The following EIF2AK4 variants were observed in gnomAD, a reference collection of about 807,000 sequenced individuals.
EIF2AK4 encodes the protein eukaryotic translation initiation factor 2 alpha kinase 4.
EIF2AK4 carries 139 observed loss-of-function variants against 211.1 expected under a neutral mutation model. That is an observed-to-expected ratio of 0.66 (90% CI 0.57 to 0.76). The LOEUF is 0.76. Among genes scored for constraint, EIF2AK4 ranks in the 30% least tolerant of loss-of-function variants. The probability of loss-of-function intolerance (pLI) is 0.00; values close to 1 mark genes in which losing one functional copy is unlikely to be tolerated. For synonymous variants in EIF2AK4, 710 were observed against 751.3 expected, an observed-to-expected ratio of 0.94 and a Z score of 0.90; for missense variants, 1,664 against 2,043.8, an observed-to-expected ratio of 0.81 and a Z score of 3.58.
chr15:39,961,791 C>T lies in EIF2AK4; in HGVS notation c.751C>T (p.Arg251Cys), dbSNP rs200534017. 16 of 1,610,082 alleles carry T rather than the reference C, an allele frequency of 9.9e-6. No individual in the cohort carries two copies. The highest frequency in any genetic ancestry group is 4.0e-5 in the African/African-American group (3 of 74,820). The change falls in exon 7 of 39, where the codon CGT (arginine) becomes TGT (cysteine). Residue 251 changes from arginine (R) to cysteine (C), a missense_variant. Arg to Cys is a radical substitution (Grantham distance 180, BLOSUM62 -3). Transcript: ENST00000263791. The stretch of plus-strand genomic sequence containing the variant: ...TTCAAATTTATTTTTAAGGCGAGAA[C>T]GTCAGTATTCTGTATGTAATAGTGA... ...ANSSGRSRRE[R>C]QYSVCNSEDS...
At chr15:40,029,329 AT>A (rs2035507377) in intron 33 of EIF2AK4, 76 bp from the exon 34 acceptor site, 2 of 1,576,376 alleles carry the variant, frequency 1.3e-6, no homozygotes, top group Admixed American at 3.6e-5. Flanking sequence ...CTCACTATAC[AT>A]GTAGTTCACT....
At chr15:39,968,952 G>A (rs979450600) in intron 9 of EIF2AK4, among the ~76,000 whole-genome samples, 27 of 151,582 alleles carry the variant, frequency 1.8e-4, no homozygotes, top group East Asian at 7.8e-4. Flanking sequence ...TTGGTTTCTC[G>A]CCTTGAAGTA....
At chr15:39,998,269 TG>T (rs1387062486) in intron 19 of EIF2AK4, among the ~76,000 whole-genome samples, 26 of 118,466 alleles carry the variant, frequency 2.2e-4, no homozygotes, top group South Asian at 2.8e-4. Flanking sequence ...TTTTTTTTTT[TG>T]TTTTGTTTTT....
intron 9 of EIF2AK4, among the ~76,000 whole-genome samples, chr15:39,970,426 T>C (rs966460228): frequency 3.3e-5 from 5 of 152,314 alleles, no homozygotes; most frequent in African/African-American, 1.2e-4. Context: ...TATATAGGGA[T>C]GCTCATTGCA....
At chr15:39,956,887 A>G (rs1166095343) in intron 6 of EIF2AK4, among the ~76,000 whole-genome samples, 1 of 152,242 alleles carries the variant, frequency 6.6e-6, no homozygotes, top group African/African-American at 2.4e-5. Flanking sequence ...GTTTATTAGA[A>G]GGAGCCATTT....
intron 2 of EIF2AK4, among the ~76,000 whole-genome samples, chr15:39,939,818 A>T (rs1196911004): frequency 2.0e-5 from 3 of 152,308 alleles, no homozygotes; most frequent in East Asian, 3.9e-4. Context: ...TAGTTATAGA[A>T]TTGTCACTAC....
intron 6 of EIF2AK4, among the ~76,000 whole-genome samples, chr15:39,958,621 C>G (rs1413635856): frequency 1.3e-5 from 2 of 152,100 alleles, no homozygotes; most frequent in South Asian, 2.1e-4. Flanking sequence ...ACTGGTTTAC[C>G]TCAAATTAAA....
intron 32 of EIF2AK4, among the ~76,000 whole-genome samples, chr15:40,022,814 A>G (rs1277593715): frequency 6.6e-6 from 1 of 151,998 alleles, no homozygotes; most frequent in Non-Finnish European, 1.5e-5. Context: ...GCTCACTGCA[A>G]GCTCCGCCTC....
chr15:39,959,167 T>C (rs1478356801), intron 6 of EIF2AK4, among the ~76,000 whole-genome samples: 5 of 152,208 alleles, frequency 3.3e-5, no homozygotes. Flanking sequence ...GAATAGATCA[T>C]GATGATGAGA....
chr15:40,034,881 A>G, intron 38 of EIF2AK4, 146 bp from the exon 39 acceptor site: 4 of 578,598 alleles, frequency 6.9e-6, no homozygotes, highest in East Asian at 2.7e-5. Context: ...CACACCTTGT[A>G]TAAAACCTAT....
At chr15:40,034,626 A>G (rs1052618352) in intron 38 of EIF2AK4, among the ~76,000 whole-genome samples, 182 bp downstream of exon 38, 6 of 152,236 alleles carry the variant, frequency 3.9e-5, no homozygotes, top group Non-Finnish European at 7.3e-5. Flanking sequence ...CTCATCAATA[A>G]CAAAACACAG....
chr15:39,967,351 G>A lies in EIF2AK4; in HGVS notation c.1025G>A (p.Gly342Glu). The stretch of plus-strand genomic sequence containing the variant: ...TTTTTTTTAACTTATCAGATTCAAG[G>A]AACAGAAACAGAATTCAACTCACTG... ...KIDKCKKQIQGTETEFNSLVK... is the reference protein window; with the variant it reads ...KIDKCKKQIQETETEFNSLVK... The change falls in exon 9 of 39, where the codon GGA (glycine) becomes GAA (glutamate). Residue 342 changes from glycine (G) to glutamate (E), a missense_variant. Gly to Glu is a moderately conservative substitution (Grantham distance 98). Around this residue, in one of 7 missense-constraint regions of EIF2AK4, gnomAD observed 641 missense variants for 729.6 expected, o/e 0.88. Coordinates refer to ENST00000263791, the MANE Select transcript of EIF2AK4 (RefSeq NM_001013703.4). The A allele has an allele frequency of 1.9e-6, 3 of 1,579,236 alleles. No individual in the cohort carries two copies. Among genetic ancestry groups the A allele is most frequent in the Non-Finnish European group, 8.7e-7 (1 of 1,155,232 alleles).
intron 27 of EIF2AK4, among the ~76,000 whole-genome samples, chr15:40,014,792 G>A (rs2035283162): frequency 6.6e-6 from 1 of 152,172 alleles, no homozygotes; most frequent in South Asian, 2.1e-4. Flanking sequence ...CTCATTGTCA[G>A]GCTGCAAATT....
At chr15:39,945,215 A>T (rs989068160) in intron 3 of EIF2AK4, among the ~76,000 whole-genome samples, 7 of 151,816 alleles carry the variant, frequency 4.6e-5, no homozygotes, top group Admixed American at 1.3e-4. Flanking sequence ...TCCTGGCTCA[A>T]GCAATCTTCC....
chr15:39,972,718 G>A (rs1055608289), intron 9 of EIF2AK4, among the ~76,000 whole-genome samples, 190 bp from the exon 10 acceptor site: 17 of 151,934 alleles, frequency 1.1e-4, no homozygotes, highest in Non-Finnish European at 5.9e-5. Flanking sequence ...CCAGCCTGTC[G>A]CATAGCATGT....
rs901772652 is a variant in EIF2AK4 at position 39,996,345 on chromosome 15, C to G, written c.2767-619C>G. ...ATCTCAGTTGTCCTTGCTCTTCAGC[C>G]ATTATTTCCAGTTTTCAGCCAGTGG... On this transcript the variant is annotated intron_variant, in intron 18 of 38. Transcript: ENST00000263791. Among the ~76,000 whole-genome samples the G allele has an allele frequency of 9.8e-5, 15 of 152,290 alleles. No individual in the cohort carries two copies. The South Asian group carries it at 2.9e-3, about 29-fold the overall frequency.
chr15:39,934,241 C>A lies in EIF2AK4; in HGVS notation c.46C>A (p.Pro16Thr). The change falls in exon 1 of 39, where the codon CCG (proline) becomes ACG (threonine). Residue 16 changes from proline (P) to threonine (T), a missense_variant. Physicochemically the swap from Pro to Thr is conservative, Grantham distance 38 (BLOSUM62 -1). Around this residue, in one of 7 missense-constraint regions of EIF2AK4, gnomAD observed 641 missense variants for 729.6 expected, o/e 0.88. Transcript: ENST00000263791. ...CCCCGGGCGCGGCCGGGACGAGCCT[C>A]CGGAGAGCTACCCGCAACGACAGGA... Reference protein sequence around the residue: ...GAPGRGRDEPPESYPQRQDHE... With the variant: ...GAPGRGRDEPTESYPQRQDHE... The A allele has an allele frequency of 1.2e-6, 2 of 1,607,056 alleles. No homozygotes were observed. Among genetic ancestry groups the A allele is most frequent in the Admixed American group, 3.4e-5 (2 of 59,458 alleles).
chr15:40,030,242 T>C (rs1955033452), intron 34 of EIF2AK4, 117 bp from the exon 35 acceptor site: 2 of 1,030,456 alleles, frequency 1.9e-6, no homozygotes, highest in African/African-American at 1.6e-5. Flanking sequence ...CCAGTCGTGA[T>C]CTAGCCCTTA....
At chr15:39,989,494 T>C (rs1468776097) in intron 15 of EIF2AK4, among the ~76,000 whole-genome samples, 4 of 152,222 alleles carry the variant, frequency 2.6e-5, no homozygotes, top group African/African-American at 9.6e-5. Context: ...CCTGGGATGC[T>C]AGAACAATGC....
Sources: allele counts gnomAD v4.1 joint callset (sites outside exome capture counted in the v4.1 genomes callset), GRCh38; gene constraint gnomAD v4.1.1; regional missense constraint gnomAD v4.1.1; transcripts MANE v1.5; gene names NCBI Gene and HGNC (gene_info 2026-07-23, HGNC 2026-07-21).